MECOM: variants seen among roughly 807,000 people sequenced by gnomAD.
MECOM encodes the protein histone-lysine N-methyltransferase MECOM.
A neutral mutation model predicts 116.3 loss-of-function variants in MECOM; 13 were observed. The observed-to-expected ratio is 0.11, with a 90% CI of 0.07 to 0.18. The LOEUF (loss-of-function observed/expected upper bound fraction) is 0.18, where lower values mean the gene tolerates loss of function less well. Among genes scored for constraint, MECOM ranks in the 10% least tolerant of loss-of-function variants. The pLI is 1.00. For synonymous variants in MECOM, 528 were observed against 535.2 expected, an observed-to-expected ratio of 0.99 and a Z score of 0.19; for missense variants, 1,299 against 1,509.0, an observed-to-expected ratio of 0.86 and a Z score of 2.31.
intron 1 of MECOM, among the ~76,000 whole-genome samples, chr3:169,659,088 A>AAAAAAAAAAAGAAAAG (rs1553909425): frequency 4.9e-4 from 74 of 150,994 alleles, no homozygotes; most frequent in African/African-American, 1.8e-3. Context: ...AAAAAAAAAA[A>AAAAAAAAAAAGAAAAG]AAAGAAAGAG....
At chr3:169,511,053 T>C (rs943742679) in intron 1 of MECOM, among the ~76,000 whole-genome samples, 28 of 152,238 alleles carry the variant, frequency 1.8e-4, no homozygotes, top group African/African-American at 6.8e-4. Context: ...TTACTATACT[T>C]GGCCTTACTT....
intron 2 of MECOM, among the ~76,000 whole-genome samples, chr3:169,223,426 G>C (rs950119972): frequency 3.3e-5 from 5 of 151,040 alleles, no homozygotes; most frequent in African/African-American, 4.9e-5. Flanking sequence ...CAGAATGATG[G>C]TTTCTAGCTT....
intron 1 of MECOM, among the ~76,000 whole-genome samples, chr3:169,421,637 C>A (rs551157582): frequency 6.6e-6 from 1 of 151,978 alleles, no homozygotes; most frequent in African/African-American, 2.4e-5. Flanking sequence ...AACGAGAATT[C>A]TCATTTTCTG....
intron 1 of MECOM, among the ~76,000 whole-genome samples, chr3:169,466,227 T>C (rs1748284128): frequency 6.6e-6 from 1 of 152,152 alleles, no homozygotes; most frequent in African/African-American, 2.4e-5. Flanking sequence ...CAAATGGACT[T>C]CAGCTGAATA....
intron 5 of MECOM, among the ~76,000 whole-genome samples, chr3:169,124,896 A>C (rs1013505769): frequency 1.3e-5 from 2 of 152,112 alleles, no homozygotes; most frequent in Non-Finnish European, 2.9e-5. Flanking sequence ...TATCAGTACC[A>C]ATTAAGACCT....
At chr3:169,144,976 A>G (rs1463683798) in intron 2 of MECOM, 2 of 1,557,320 alleles carry the variant, frequency 1.3e-6, no homozygotes, top group Admixed American at 3.8e-5. Context: ...ACCCAATTGC[A>G]GATTCAAGTC....
At chr3:169,381,572 CAA>C (rs1164476622) in intron 1 of MECOM, 48 bp from the exon 2 acceptor site, 1 of 1,406,298 alleles carries the variant, frequency 7.1e-7, no homozygotes. Flanking sequence ...ATTGAAGAGA[CAA>C]AATTCCACAG....
chr3:169,600,310 T>C (rs1373212970), intron 1 of MECOM, among the ~76,000 whole-genome samples: 1 of 151,952 alleles, frequency 6.6e-6, no homozygotes, highest in African/African-American at 2.4e-5. Flanking sequence ...TAACATAAAA[T>C]CATAGCAAAT....
intron 1 of MECOM, among the ~76,000 whole-genome samples, chr3:169,385,557 C>T (rs75567973): frequency 6.6e-6 from 1 of 152,138 alleles, no homozygotes; most frequent in Admixed American, 6.5e-5. Context: ...AAACATGCAA[C>T]AATATTTCAA....
chr3:169,482,740 C>A (rs1041114557), intron 1 of MECOM, among the ~76,000 whole-genome samples: 1 of 152,132 alleles, frequency 6.6e-6, no homozygotes, highest in Non-Finnish European at 1.5e-5. Context: ...GAAAGGAACT[C>A]ATATTAACCT....
intron 2 of MECOM, among the ~76,000 whole-genome samples, chr3:169,343,274 G>A (rs1298310381): frequency 6.6e-6 from 1 of 152,134 alleles, no homozygotes; most frequent in East Asian, 1.9e-4. Context: ...GACTTCAGAG[G>A]GCTCGCAGAG....
At chr3:169,425,739 T>C (rs1740548736) in intron 1 of MECOM, among the ~76,000 whole-genome samples, 1 of 152,110 alleles carries the variant, frequency 6.6e-6, no homozygotes, top group Admixed American at 6.6e-5. Flanking sequence ...GCATTATTTA[T>C]AATAATGAAA....
chr3:169,366,195 T>C (rs2149834291), intron 2 of MECOM, among the ~76,000 whole-genome samples: 1 of 152,070 alleles, frequency 6.6e-6, no homozygotes, highest in Non-Finnish European at 1.5e-5. Context: ...CCAGGGTTGG[T>C]GACTTCCTGG....
At position 169,101,572 on chromosome 3, in the gene MECOM, C is replaced by CAA. The variant is rs11405202; in HGVS notation, c.2771+486_2771+487dup. 4.0e-4 allele frequency among the ~76,000 whole-genome samples: 60 copies of CAA among 151,366 alleles called. 1 individual carries two copies. The highest frequency in any genetic ancestry group is 1.9e-3 in the South Asian group (9 of 4,814). ...GAAATTATAAGCACAATTTATTTAG[C>CAA]AAAAAAAAATCACACACAAAACCAG... On this transcript the variant is annotated intron_variant, in intron 11 of 16. Coordinates refer to ENST00000651503, the MANE Select transcript of MECOM (RefSeq NM_004991.4).
At chr3:169,367,106 A>T (rs1348317020) in intron 2 of MECOM, among the ~76,000 whole-genome samples, 2 of 152,038 alleles carry the variant, frequency 1.3e-5, no homozygotes, top group Non-Finnish European at 2.9e-5. Context: ...ATAGAAAAAG[A>T]CTATATTGAA....
intron 3 of MECOM, among the ~76,000 whole-genome samples, chr3:169,135,278 T>C (rs1736014027): frequency 6.6e-6 from 1 of 152,062 alleles, no homozygotes. Flanking sequence ...AAAAGTTCTC[T>C]GGATTCAAAA....
chr3:169,402,705 C>T (rs1367669261), intron 1 of MECOM, among the ~76,000 whole-genome samples: 4 of 152,050 alleles, frequency 2.6e-5, no homozygotes, highest in Non-Finnish European at 4.4e-5. Context: ...TTCACTAGAT[C>T]GTGCAGACTC....
intron 1 of MECOM, among the ~76,000 whole-genome samples, chr3:169,513,385 A>G (rs563200393): frequency 6.6e-6 from 1 of 152,368 alleles, no homozygotes; most frequent in African/African-American, 2.4e-5. Context: ...AAATTGAACT[A>G]AAATCCCTGG....
chr3:169,240,858 G>A (rs886575513), intron 2 of MECOM, among the ~76,000 whole-genome samples: 1 of 152,144 alleles, frequency 6.6e-6, no homozygotes, highest in Non-Finnish European at 1.5e-5. Context: ...ATTATCTACT[G>A]TACACTTAGC....
Sources: allele counts gnomAD v4.1 joint callset (sites outside exome capture counted in the v4.1 genomes callset), GRCh38; gene constraint gnomAD v4.1.1; transcripts MANE v1.5; gene names NCBI Gene and HGNC (gene_info 2026-07-23, HGNC 2026-07-21).